The following GRIA4 variants were observed in gnomAD, a reference collection of about 807,000 sequenced individuals.
The protein encoded by GRIA4 is glutamate receptor 4.
GRIA4 carries 34 observed loss-of-function variants against 104.0 expected under a neutral mutation model. The ratio of observed to expected loss-of-function variants is 0.33; its 90% CI spans 0.25 to 0.44. GRIA4 has a LOEUF of 0.44. GRIA4 is among the 20% of genes least tolerant of loss of function. The pLI is 1.00. For missense variants in GRIA4, 750 were observed against 1,096.5 expected (o/e 0.68, Z 4.46); for synonymous variants, 386 against 381.9 (o/e 1.01, Z -0.13).
chr11:105,979,849 A>G lies in GRIA4; in HGVS notation c.*110A>G, dbSNP rs1859187544. 1 of 751,734 alleles carries G rather than the reference A, an allele frequency of 1.3e-6. No individual in the cohort carries two copies. Among genetic ancestry groups the G allele is most frequent in the Non-Finnish European group, 2.2e-6 (1 of 462,462 alleles). The allele number at this position is 751,734 out of a possible 1,614,324, so 46.6% of individuals were successfully genotyped here. On this transcript the variant is annotated 3_prime_UTR_variant, in exon 17 of 17. Transcript: ENST00000282499. Reference sequence around the variant, plus strand: ...CTTTGCTAAACCAATCCTTTGGCTGAGAGCGGGAAGTCCGTCCTAACGCGC... The same window carrying G: ...CTTTGCTAAACCAATCCTTTGGCTGGGAGCGGGAAGTCCGTCCTAACGCGC...
chr11:105,812,589 G>T (rs927877641), intron 4 of GRIA4, among the ~76,000 whole-genome samples: 1 of 151,912 alleles, frequency 6.6e-6, no homozygotes, highest in Admixed American at 6.6e-5. Context: ...AAAAGAATAT[G>T]AATATCAAGT....
chr11:105,969,969 C>T (rs571164246), intron 14 of GRIA4, among the ~76,000 whole-genome samples: 96 of 152,236 alleles, frequency 6.3e-4, no homozygotes, highest in Non-Finnish European at 1.2e-3. Context: ...TTGTAACAAT[C>T]ACGTCACAAA....
At chr11:105,776,294 C>T (rs1056252826) in intron 4 of GRIA4, among the ~76,000 whole-genome samples, 1 of 152,028 alleles carries the variant, frequency 6.6e-6, no homozygotes, top group Non-Finnish European at 1.5e-5. Flanking sequence ...CAAAAAAATA[C>T]TTAAATATGC....
chr11:105,948,595 G>GTTTT (rs3060323), intron 14 of GRIA4, among the ~76,000 whole-genome samples: 80 of 87,770 alleles, frequency 9.1e-4, no homozygotes, highest in Middle Eastern at 7.4e-3. Flanking sequence ...TTTTCTTTTT[G>GTTTT]TTTTTTTTTT....
chr11:105,627,094 C>G (rs1352071553), intron 3 of GRIA4, among the ~76,000 whole-genome samples: 1 of 152,138 alleles, frequency 6.6e-6, no homozygotes, highest in Non-Finnish European at 1.5e-5. Flanking sequence ...TTTTCTTCAC[C>G]TCTCATAGGT....
At chr11:105,844,300 T>C (rs1337094423) in intron 4 of GRIA4, among the ~76,000 whole-genome samples, 1 of 152,228 alleles carries the variant, frequency 6.6e-6, no homozygotes, top group Non-Finnish European at 1.5e-5. Context: ...GATTTCAGAT[T>C]ATTCTGTGGA....
intron 4 of GRIA4, among the ~76,000 whole-genome samples, chr11:105,799,895 G>T (rs1942643160): frequency 6.6e-6 from 1 of 152,080 alleles, no homozygotes; most frequent in Non-Finnish European, 1.5e-5. Context: ...ACTTTCTCTA[G>T]TAACATTCAG....
chr11:105,765,777 C>G (rs985919361), intron 4 of GRIA4, among the ~76,000 whole-genome samples: 5 of 152,160 alleles, frequency 3.3e-5, no homozygotes, highest in Non-Finnish European at 7.3e-5. Context: ...CAGTACTGAG[C>G]AGTTGCAACA....
At chr11:105,771,074 A>G (rs556985790) in intron 4 of GRIA4, among the ~76,000 whole-genome samples, 4 of 152,008 alleles carry the variant, frequency 2.6e-5, no homozygotes, top group African/African-American at 9.6e-5. Context: ...AATTTCCCCA[A>G]CCTATGAACA....
At chr11:105,631,471 A>G (rs1264886655) in intron 3 of GRIA4, among the ~76,000 whole-genome samples, 1 of 152,230 alleles carries the variant, frequency 6.6e-6, no homozygotes, top group African/African-American at 2.4e-5. Context: ...GCCCCAGATT[A>G]GACTCAACAA....
intron 3 of GRIA4, among the ~76,000 whole-genome samples, chr11:105,635,179 A>G (rs1025626975): frequency 6.6e-6 from 1 of 152,186 alleles, no homozygotes; most frequent in Non-Finnish European, 1.5e-5. Flanking sequence ...ATAATATTAG[A>G]GACTTTAAAT....
chr11:105,965,150 G>A (rs1482297100), intron 14 of GRIA4, among the ~76,000 whole-genome samples: 1 of 151,858 alleles, frequency 6.6e-6, no homozygotes, highest in Non-Finnish European at 1.5e-5. Flanking sequence ...GCCAAAATAA[G>A]CTCCCCTATT....
intron 5 of GRIA4, among the ~76,000 whole-genome samples, chr11:105,885,701 C>G (rs1015292026): frequency 6.6e-6 from 1 of 152,218 alleles, no homozygotes; most frequent in Admixed American, 6.5e-5. Flanking sequence ...TGTTTTCTGC[C>G]TTGGCCTAGG....
chr11:105,705,255 C>A (rs1953652514), intron 3 of GRIA4, among the ~76,000 whole-genome samples: 1 of 151,944 alleles, frequency 6.6e-6, no homozygotes, highest in African/African-American at 2.4e-5. Context: ...TACTATACAC[C>A]AGAATAAATT....
intron 3 of GRIA4, among the ~76,000 whole-genome samples, chr11:105,713,732 A>T (rs1953995183): frequency 6.6e-6 from 1 of 152,204 alleles, no homozygotes; most frequent in East Asian, 1.9e-4. Context: ...GAAATTATTA[A>T]TTAATATATG....
chr11:105,691,539 C>T (rs1300783664), intron 3 of GRIA4, among the ~76,000 whole-genome samples: 1 of 152,100 alleles, frequency 6.6e-6, no homozygotes, highest in Non-Finnish European at 1.5e-5. Flanking sequence ...GTTTCCCCAT[C>T]TGTAAAATAA....
intron 3 of GRIA4, among the ~76,000 whole-genome samples, chr11:105,671,075 T>C (rs997158187): frequency 3.9e-5 from 6 of 152,088 alleles, no homozygotes; most frequent in African/African-American, 1.4e-4. Flanking sequence ...GCTGGTTGCT[T>C]TTATGGATTC....
At chr11:105,677,785 A>G (rs182312365) in intron 3 of GRIA4, among the ~76,000 whole-genome samples, 1 of 152,146 alleles carries the variant, frequency 6.6e-6, no homozygotes, top group East Asian at 1.9e-4. Context: ...GATCTTAGAA[A>G]AAGGGAATTC....
chr11:105,886,406 C>T (rs1186020497), intron 5 of GRIA4, among the ~76,000 whole-genome samples: 3 of 151,940 alleles, frequency 2.0e-5, no homozygotes, highest in Admixed American at 6.6e-5. Flanking sequence ...TATAGTCACC[C>T]TGTTGTGCTA....
Sources: allele counts gnomAD v4.1 joint callset (sites outside exome capture counted in the v4.1 genomes callset), GRCh38; gene constraint gnomAD v4.1.1; transcripts MANE v1.5; gene names NCBI Gene and HGNC (gene_info 2026-07-23, HGNC 2026-07-21).